Variants in MARCHF1 observed in about 807,000 individuals in gnomAD.
MARCHF1 encodes the protein E3 ubiquitin-protein ligase MARCHF1.
Under a neutral mutation model 54.2 loss-of-function variants are expected in MARCHF1, and 40 were observed. The observed-to-expected ratio is 0.74, with a 90% CI of 0.57 to 0.96. The LOEUF (loss-of-function observed/expected upper bound fraction) is 0.96, where lower values mean the gene tolerates loss of function less well. Ranked by LOEUF, MARCHF1 falls within the 40% of genes least tolerant of loss-of-function variation. MARCHF1 has a pLI of 0.00. For missense variants in MARCHF1, 586 were observed against 656.5 expected, an observed-to-expected ratio of 0.89 and a Z score of 1.17; for synonymous variants, 236 against 236.3, an observed-to-expected ratio of 1.00 and a Z score of 0.01.
At chr4:163,870,690 A>T (rs943310518) in intron 3 of MARCHF1, among the ~76,000 whole-genome samples, 4 of 152,114 alleles carry the variant, frequency 2.6e-5, no homozygotes, top group Admixed American at 2.6e-4. Flanking sequence ...TCGCAAAAAA[A>T]TGGATGAGCC....
chr4:164,235,557 C>T (rs1042257116), intron 1 of MARCHF1, among the ~76,000 whole-genome samples: 9 of 152,038 alleles, frequency 5.9e-5, no homozygotes, highest in South Asian at 2.1e-4. Flanking sequence ...GTGAAGAGGC[C>T]GGTTATATGC....
At chr4:163,857,802 C>G (rs542802646) in intron 3 of MARCHF1, among the ~76,000 whole-genome samples, 1 of 152,074 alleles carries the variant, frequency 6.6e-6, no homozygotes, top group Non-Finnish European at 1.5e-5. Context: ...GTTCCAGACA[C>G]CGTGCTTGCA....
At chr4:163,953,628 A>C (rs934092435) in intron 3 of MARCHF1, among the ~76,000 whole-genome samples, 77 of 152,168 alleles carry the variant, frequency 5.1e-4, no homozygotes, top group African/African-American at 1.8e-3. Flanking sequence ...ACATACATTC[A>C]TATACTCAAT....
chr4:163,978,054 T>C (rs753818834), intron 3 of MARCHF1, among the ~76,000 whole-genome samples: 1 of 152,182 alleles, frequency 6.6e-6, no homozygotes, highest in Non-Finnish European at 1.5e-5. Flanking sequence ...TATTTCGCTA[T>C]AAATTCTTGA....
At chr4:163,772,613 G>C (rs1160067330) in intron 4 of MARCHF1, among the ~76,000 whole-genome samples, 3 of 152,160 alleles carry the variant, frequency 2.0e-5, no homozygotes, top group Admixed American at 6.5e-5. Flanking sequence ...TACAATCCTT[G>C]CCATGTGGCA....
At chr4:164,240,059 T>G (rs893985744) in intron 1 of MARCHF1, among the ~76,000 whole-genome samples, 1 of 152,196 alleles carries the variant, frequency 6.6e-6, no homozygotes, top group Non-Finnish European at 1.5e-5. Flanking sequence ...AGCATTGACA[T>G]AAACTGGACA....
At chr4:164,174,083 C>A (rs957307345) in intron 1 of MARCHF1, among the ~76,000 whole-genome samples, 2 of 152,162 alleles carry the variant, frequency 1.3e-5, no homozygotes, top group Non-Finnish European at 2.9e-5. Context: ...ATACTTCCTT[C>A]TGAATTAAAA....
chr4:164,172,827 A>T lies in MARCHF1; in HGVS notation c.-322-61165T>A, dbSNP rs183926834. Among the ~76,000 whole-genome samples, 844 of 152,228 alleles carry T rather than the reference A, an allele frequency of 5.5e-3. 6 individuals are homozygous for T. Among genetic ancestry groups the T allele is most frequent in the African/African-American group, 0.019 (791 of 41,534 alleles). On this transcript the variant is annotated intron_variant, in intron 1 of 9. Coordinates refer to ENST00000514618, the MANE Select transcript of MARCHF1 (RefSeq NM_001394959.1). ...CCCGTCTGTACTAAAAATACAAAAA[A>T]TTAGCCGGGCCCACGTGGTGGCGGG...
chr4:164,280,802 A>C (rs1734006973), intron 1 of MARCHF1, among the ~76,000 whole-genome samples: 1 of 152,124 alleles, frequency 6.6e-6, no homozygotes, highest in Non-Finnish European at 1.5e-5. Flanking sequence ...CACTGGATAA[A>C]ACTAGAACAT....
chr4:164,037,980 T>C (rs1440147392), intron 2 of MARCHF1, among the ~76,000 whole-genome samples: 6 of 152,058 alleles, frequency 3.9e-5, no homozygotes, highest in African/African-American at 1.4e-4. Flanking sequence ...AAGGAGGAGA[T>C]GGTGGTGGGA....
chr4:163,625,114 A>C (rs916199908), intron 5 of MARCHF1, among the ~76,000 whole-genome samples: 3 of 152,210 alleles, frequency 2.0e-5, no homozygotes, highest in African/African-American at 7.2e-5. Flanking sequence ...CTCATTTTAT[A>C]TTCCCAAACA....
intron 2 of MARCHF1, among the ~76,000 whole-genome samples, chr4:164,096,347 T>A (rs1265101858): frequency 2.6e-5 from 4 of 152,044 alleles, no homozygotes; most frequent in African/African-American, 9.7e-5. Flanking sequence ...TTCCCACTTA[T>A]AAATGGAAGC....
At chr4:164,226,499 A>G (rs1219093036) in intron 1 of MARCHF1, among the ~76,000 whole-genome samples, 1 of 152,108 alleles carries the variant, frequency 6.6e-6, no homozygotes. Flanking sequence ...CAGGAAAAAT[A>G]AACACACAAA....
chr4:163,799,652 T>C (rs1320865856), intron 4 of MARCHF1, among the ~76,000 whole-genome samples: 4 of 152,068 alleles, frequency 2.6e-5, no homozygotes, highest in Admixed American at 2.6e-4. Context: ...TTATAGGGCT[T>C]AAAAATAAGA....
chr4:163,549,307 G>A (rs902401815), intron 8 of MARCHF1, among the ~76,000 whole-genome samples: 11 of 151,864 alleles, frequency 7.2e-5, no homozygotes, highest in African/African-American at 2.7e-4. Flanking sequence ...TATTGCTTGG[G>A]CCTGAGTCGA....
At chr4:163,765,993 C>T (rs1303813822) in intron 4 of MARCHF1, among the ~76,000 whole-genome samples, 3 of 149,594 alleles carry the variant, frequency 2.0e-5, no homozygotes, top group African/African-American at 7.3e-5. Context: ...TCCTGAATGA[C>T]AGGTTTAAGA....
intron 2 of MARCHF1, among the ~76,000 whole-genome samples, chr4:164,055,693 C>A (rs959869060): frequency 1.3e-5 from 2 of 152,156 alleles, no homozygotes; most frequent in Non-Finnish European, 2.9e-5. Flanking sequence ...ATACAGTCCT[C>A]AGAGTAAAGG....
intron 4 of MARCHF1, among the ~76,000 whole-genome samples, chr4:163,721,606 A>C (rs1406221598): frequency 1.3e-5 from 2 of 152,138 alleles, no homozygotes; most frequent in East Asian, 3.8e-4. Context: ...AAGGAATGGT[A>C]CCAGCTCCTC....
At chr4:164,046,164 T>C (rs1191160431) in intron 2 of MARCHF1, among the ~76,000 whole-genome samples, 3 of 152,202 alleles carry the variant, frequency 2.0e-5, no homozygotes, top group African/African-American at 4.8e-5. Flanking sequence ...AACTTCAAGC[T>C]CAGTATCAAA....
Sources: allele counts gnomAD v4.1 joint callset (sites outside exome capture counted in the v4.1 genomes callset), GRCh38; gene constraint gnomAD v4.1.1; transcripts MANE v1.5; gene names NCBI Gene and HGNC (gene_info 2026-07-23, HGNC 2026-07-21).